SUN2: variants seen among roughly 807,000 people sequenced by gnomAD.
The protein encoded by SUN2 is Sad1 and UNC84 domain containing 2.
A neutral mutation model predicts 100.0 loss-of-function variants in SUN2; 60 were observed. The observed-to-expected ratio is 0.60, with a 90% CI of 0.49 to 0.74. SUN2 has a LOEUF of 0.74. Among genes scored for constraint, SUN2 ranks in the 30% least tolerant of loss-of-function variants. The probability of loss-of-function intolerance (pLI) is 0.00; values close to 1 mark genes in which losing one functional copy is unlikely to be tolerated. For missense variants in SUN2, 834 were observed against 954.6 expected (o/e 0.87, Z 1.66); for synonymous variants, 367 against 403.3 (o/e 0.91, Z 1.08).
intron 6 of SUN2, 71 bp downstream of exon 6, chr22:38,749,695 G>T: frequency 1.4e-6 from 2 of 1,406,210 alleles, no homozygotes; most frequent in Non-Finnish European, 2.0e-6. Flanking sequence ...ACCATTACAG[G>T]TTGACACACT....
chr22:38,738,777 C>G lies in SUN2; in HGVS notation c.1780-23G>C. 6.2e-7 allele frequency: 1 copy of G among 1,610,238 alleles called. No homozygotes were observed. The highest frequency in any genetic ancestry group is 8.5e-7 in the Non-Finnish European group (1 of 1,177,662). On this transcript the variant is annotated intron_variant, in intron 15 of 17. Transcript: ENST00000689035. This position sits in a 1 kb window ranked among gnomAD's most constrained non-coding sequence, Gnocchi z 6.6. The stretch of plus-strand genomic sequence containing the variant: ...TGGCTGGAGGAGCAGAAAGTCATGT[C>G]AGGACAGGGCCCTGAGTCCAGCTCT...
intron 5 of SUN2, 108 bp downstream of exon 5, chr22:38,750,117 A>C (rs781521460): frequency 3.3e-5 from 49 of 1,486,726 alleles, no homozygotes; most frequent in Non-Finnish European, 4.4e-5. Context: ...ACCTTTCCCC[A>C]ATGGTCCTAC....
Position 38,739,259 on chromosome 22 carries a change from C to T in SUN2, c.1663+83G>A. The T allele has an allele frequency of 1.4e-6, 2 of 1,464,988 alleles. No homozygotes were observed. Among genetic ancestry groups the T allele is most frequent in the Non-Finnish European group, 1.9e-6 (2 of 1,045,762 alleles). 90.7% of individuals were successfully genotyped at this position (1,464,988 alleles called of 1,614,324 possible). On this transcript the variant is annotated intron_variant, in intron 14 of 17. Transcript: ENST00000689035. This position sits in a 1 kb window ranked among gnomAD's most constrained non-coding sequence, Gnocchi z 6.7. ...TGATCCTGAGCTTTGCTTGCTCTGC[C>T]CCACCACCAACCTGGTAGATGCCAG...
chr22:38,751,590 G>A (rs773899390), intron 2 of SUN2: 23 of 575,646 alleles, frequency 4.0e-5, no homozygotes, highest in Admixed American at 1.3e-4. Context: ...GACGGGCAGC[G>A]GCAGCTAGGG....
chr22:38,735,158 C>G lies in SUN2; in HGVS notation c.*1109G>C, dbSNP rs1222553825. 2.3e-6 allele frequency: 1 copy of G among 437,716 alleles called. No individual in the cohort carries two copies. Among genetic ancestry groups the G allele is most frequent in the Admixed American group, 2.7e-5 (1 of 37,558 alleles). The allele number at this position is 437,716 out of a possible 1,614,324, so 27.1% of individuals were successfully genotyped here. A position where few individuals can be genotyped will look rare whatever the true frequency, so the allele number is the denominator to read the frequency against. On this transcript the variant is annotated 3_prime_UTR_variant, in exon 18 of 18. Coordinates refer to ENST00000689035, the MANE Select transcript of SUN2 (RefSeq NM_015374.3). ...TGCTGGCTCTAAAAGTCCCCTCCTC[C>G]CCCTTCCCTATCCAGGGTAACTTCT...
At chr22:38,749,894 T>C in intron 5 of SUN2, 35 bp from the exon 6 acceptor site, 1 of 1,592,294 alleles carries the variant, frequency 6.3e-7, no homozygotes. Context: ...AGGCTCCATA[T>C]GGTGTTTGGG....
At chr22:38,747,346 A>AG (rs963604175) in intron 7 of SUN2, among the ~76,000 whole-genome samples, 21 of 151,920 alleles carry the variant, frequency 1.4e-4, no homozygotes, top group Non-Finnish European at 2.1e-4. Flanking sequence ...AAAAAAAAAA[A>AG]AAGAAGAAGA....
rs370773838 is a variant in SUN2, at chr22:38,745,719, C to G, written c.778G>C (p.Gly260Arg). The change falls in exon 8 of 18, where the codon GGC becomes CGC. Residue 260 changes from glycine (G) to arginine (R), a missense_variant. Around this residue, in one of 3 missense-constraint regions of SUN2, gnomAD observed 559 missense variants for 597.7 expected, o/e 0.94. Transcript: ENST00000689035. ...GGCGATGAGTCTCTGGCTTCCCAGC[C>G]CTCATCCGGCCTCCTGCTGTCCTTC... ...AAKDSRRPDE[G>R]WEARDSSPHF... 2.5e-6 allele frequency: 4 copies of G among 1,613,870 alleles called. No homozygotes were observed. The African/African-American group carries it at 5.3e-5, about 22-fold the overall frequency.
rs775542638 is a variant in SUN2 at position 38,736,047 on chromosome 22, C to T, written c.*220G>A. ...CTCCCAGGATGGGAAGCAGACGCCA[C>T]GGGCACAGAGGGAAGGAAGAAGGGA... On this transcript the variant is annotated 3_prime_UTR_variant, in exon 18 of 18. Transcript: ENST00000689035. The T allele has an allele frequency of 3.4e-5, 20 of 594,452 alleles. No homozygotes were observed. The highest frequency in any genetic ancestry group is 2.3e-4 in the South Asian group (12 of 52,812). 36.8% of individuals were successfully genotyped at this position (594,452 alleles called of 1,614,324 possible).
Position 38,738,367 on chromosome 22 carries a change from G to T in SUN2, c.1948-102C>A. 8.5e-7 allele frequency: 1 copy of T among 1,183,424 alleles called. No homozygotes were observed. Among genetic ancestry groups the T allele is most frequent in the Non-Finnish European group, 1.2e-6 (1 of 823,132 alleles). 73.3% of individuals were successfully genotyped at this position (1,183,424 alleles called of 1,614,324 possible). ...CCCACCCAGCAGGTCAGGCACCAGA[G>T]TGGCCTATGACAAGTCACTTCACTC... is the stretch of plus-strand genomic sequence containing the variant. On this transcript the variant is annotated intron_variant, in intron 16 of 17. Coordinates refer to ENST00000689035, the MANE Select transcript of SUN2 (RefSeq NM_015374.3). The surrounding 1 kb of genome is among the most constrained non-coding windows in gnomAD (Gnocchi z 6.6).
Position 38,738,521 on chromosome 22 carries a change from C to T in SUN2, c.1947+66G>A. On this transcript the variant is annotated intron_variant, in intron 16 of 17. Coordinates refer to ENST00000689035, the MANE Select transcript of SUN2 (RefSeq NM_015374.3). This position sits in a 1 kb window ranked among gnomAD's most constrained non-coding sequence, Gnocchi z 6.6. ...GTCCAAGGGTGACCCTGACTTGATC[C>T]TCAGTAGAGAGGCCCACAGGATCCC... is the stretch of plus-strand genomic sequence containing the variant. The T allele has an allele frequency of 1.3e-6, 2 of 1,568,862 alleles. No individual in the cohort carries two copies. Among genetic ancestry groups the T allele is most frequent in the Non-Finnish European group, 1.7e-6 (2 of 1,151,662 alleles).
rs559184061 is a variant in SUN2 at position 38,742,572 on chromosome 22, A to C, written c.814-17T>G. ...CTGCTCAGCCTGGAAGGGCAGAGAG[A>C]GAGCCACGGAGTGAGGGACCCTTGG... On this transcript the variant is annotated splice_polypyrimidine_tract_variant and intron_variant, in intron 8 of 17. Transcript: ENST00000689035. 10 of 1,596,402 alleles carry C rather than the reference A, an allele frequency of 6.3e-6. No individual in the cohort carries two copies. In the African/African-American group the frequency reaches 6.7e-5, roughly 11 times the overall value.
chr22:38,739,715 G>A lies in SUN2; in HGVS notation c.1578+7C>T, dbSNP rs2092837687. On this transcript the variant is annotated splice_region_variant and intron_variant, in intron 13 of 17. Transcript: ENST00000689035. This position sits in a 1 kb window ranked among gnomAD's most constrained non-coding sequence, Gnocchi z 6.7. ...TGGGTGTGTGGAGAGGGGCATGTGG[G>A]CCTCACCTCCTCTGTCACTCCAATC... 1 of 1,612,534 alleles carries A rather than the reference G, an allele frequency of 6.2e-7. No individual in the cohort carries two copies. Among genetic ancestry groups the A allele is most frequent in the South Asian group, 1.1e-5 (1 of 91,022 alleles).
At chr22:38,751,918 C>T (rs910255702) in intron 2 of SUN2, among the ~76,000 whole-genome samples, 1 of 152,154 alleles carries the variant, frequency 6.6e-6, no homozygotes, top group Non-Finnish European at 1.5e-5. Flanking sequence ...TTGGGGTTTC[C>T]GGCCTGGCTT....
chr22:38,735,974 A>G lies in SUN2; in HGVS notation c.*293T>C, dbSNP rs968321530. ...CCCCAGCCAAGACCAGTCAGGTCCT[A>G]CCTCTCCCAACTTCCCAGTCCCCCA... On this transcript the variant is annotated 3_prime_UTR_variant, in exon 18 of 18. Coordinates refer to ENST00000689035, the MANE Select transcript of SUN2 (RefSeq NM_015374.3). The G allele has an allele frequency of 2.6e-5, 8 of 310,342 alleles. No individual in the cohort carries two copies. Among genetic ancestry groups the G allele is most frequent in the Non-Finnish European group, 4.6e-5 (7 of 153,344 alleles). 19.2% of individuals were successfully genotyped at this position (310,342 alleles called of 1,614,324 possible). A position where few individuals can be genotyped will look rare whatever the true frequency, so the allele number is the denominator to read the frequency against.
intron 7 of SUN2, among the ~76,000 whole-genome samples, chr22:38,747,644 C>T (rs1215178972): frequency 6.6e-6 from 1 of 152,120 alleles, no homozygotes; most frequent in East Asian, 1.9e-4. Flanking sequence ...CACAAAATGT[C>T]TATATAAACA....
At chr22:38,749,315 G>A (rs2092926187) in intron 6 of SUN2, among the ~76,000 whole-genome samples, 1 of 152,156 alleles carries the variant, frequency 6.6e-6, no homozygotes, top group Admixed American at 6.5e-5. Context: ...AGCATCCTCA[G>A]GCAGAGCCTC....
Position 38,739,503 on chromosome 22 carries a change from G to C in SUN2, c.1579-77C>G, listed in dbSNP as rs2092836067. 3 of 1,527,360 alleles carry C rather than the reference G, an allele frequency of 2.0e-6. No individual in the cohort carries two copies. Among genetic ancestry groups the C allele is most frequent in the Admixed American group, 3.6e-5 (2 of 56,328 alleles). 94.6% of individuals were successfully genotyped at this position (1,527,360 alleles called of 1,614,324 possible). A position where few individuals can be genotyped will look rare whatever the true frequency, so the allele number is the denominator to read the frequency against. Reference sequence around the variant, plus strand: ...CTGTCACCTCGTGGCCGTGGGCCAAGGACCCATGGGCTGACCCCTTCTAGG... The same window carrying C: ...CTGTCACCTCGTGGCCGTGGGCCAACGACCCATGGGCTGACCCCTTCTAGG... On this transcript the variant is annotated intron_variant, in intron 13 of 17. Coordinates refer to ENST00000689035, the MANE Select transcript of SUN2 (RefSeq NM_015374.3). The surrounding 1 kb of genome is among the most constrained non-coding windows in gnomAD (Gnocchi z 6.7).
chr22:38,738,000 C>T lies in SUN2; in HGVS notation c.2040+173G>A, dbSNP rs2092821395. ...TGGAAGGTGCCTTCCCCTGTGCTGACGTCTGCAGGATGCGTGTTACACCCC... is the reference window on the plus strand; with the variant it reads ...TGGAAGGTGCCTTCCCCTGTGCTGATGTCTGCAGGATGCGTGTTACACCCC... On this transcript the variant is annotated intron_variant, in intron 17 of 17. Coordinates refer to ENST00000689035, the MANE Select transcript of SUN2 (RefSeq NM_015374.3). The surrounding 1 kb of genome is among the most constrained non-coding windows in gnomAD (Gnocchi z 4.1). 3 of 723,434 alleles carry T rather than the reference C, an allele frequency of 4.1e-6. No individual in the cohort carries two copies. The highest frequency in any genetic ancestry group is 1.7e-5 in the African/African-American group (1 of 57,488). 44.8% of individuals were successfully genotyped at this position (723,434 alleles called of 1,614,324 possible).
Sources: gnomAD v4.1 joint callset for allele counts (sites outside exome capture counted in the v4.1 genomes callset) on GRCh38, gnomAD v4.1.1 for gene constraint, gnomAD v4.1.1 regional missense constraint, Gnocchi (gnomAD v3.1) non-coding constraint, MANE v1.5 for transcripts, NCBI Gene and HGNC (gene_info 2026-07-23, HGNC 2026-07-21) for gene names.